AXDND1: variants seen among roughly 807,000 people sequenced by gnomAD.
The protein encoded by AXDND1 is axonemal dynein light chain domain-containing protein 1.
In AXDND1, 110 loss-of-function variants were observed where a neutral mutation model predicts 137.5. The ratio of observed to expected loss-of-function variants is 0.80; its 90% CI spans 0.69 to 0.94. The LOEUF (loss-of-function observed/expected upper bound fraction) is 0.94. AXDND1 is among the 40% of genes least tolerant of loss of function. The pLI, the probability that AXDND1 is intolerant of heterozygous loss-of-function variation, is 0.00. For synonymous variants in AXDND1, 414 were observed against 399.7 expected (o/e 1.04, Z -0.43); for missense variants, 1,191 against 1,169.8 (o/e 1.02, Z -0.26).
chr1:179,551,273 G>T, intron 25 of AXDND1: 2 of 1,614,140 alleles, frequency 1.2e-6, no homozygotes, highest in Non-Finnish European at 1.7e-6. Context: ...GCTGGGAGAA[G>T]ACAGGCAATT....
chr1:179,480,122 C>T (rs886242803), intron 17 of AXDND1, among the ~76,000 whole-genome samples: 1 of 152,206 alleles, frequency 6.6e-6, no homozygotes, highest in Non-Finnish European at 1.5e-5. Context: ...GTCGCTCCCA[C>T]ATTTTTGGGT....
intron 16 of AXDND1, among the ~76,000 whole-genome samples, chr1:179,459,033 T>C (rs1661827722): frequency 6.6e-6 from 1 of 152,112 alleles, no homozygotes; most frequent in Non-Finnish European, 1.5e-5. Flanking sequence ...GACAGTTTGG[T>C]GAGGAGACTG....
At chr1:179,400,690 T>A (rs1429938313) in intron 11 of AXDND1, among the ~76,000 whole-genome samples, 1 of 137,258 alleles carries the variant, frequency 7.3e-6, no homozygotes, top group Non-Finnish European at 1.6e-5. Flanking sequence ...GATCACGAGG[T>A]CAGGAGATCA....
At chr1:179,448,206 T>C in intron 16 of AXDND1, 1 of 853,602 alleles carries the variant, frequency 1.2e-6, no homozygotes, top group East Asian at 2.4e-5. Flanking sequence ...CTCAACAATA[T>C]CTGAGCTGGT....
intron 20 of AXDND1, among the ~76,000 whole-genome samples, chr1:179,508,338 A>G (rs77219588): frequency 1.0e-5 from 1 of 97,650 alleles, no homozygotes; most frequent in Non-Finnish European, 2.4e-5. Flanking sequence ...CCTGTCTCAA[A>G]AAAAAAAAAA....
chr1:179,485,409 G>A (rs12138189), intron 18 of AXDND1, among the ~76,000 whole-genome samples: 69,334 of 151,976 alleles, frequency 0.46, 16,693 homozygotes, highest in East Asian at 0.76. Flanking sequence ...AGAGCATGCA[G>A]TCCAGAAGGC....
intron 12 of AXDND1, among the ~76,000 whole-genome samples, chr1:179,426,968 C>A (rs1288064143): frequency 6.6e-6 from 1 of 151,980 alleles, no homozygotes; most frequent in Non-Finnish European, 1.5e-5. Flanking sequence ...TTGAGACCAG[C>A]CTGGCCAACG....
intron 24 of AXDND1, among the ~76,000 whole-genome samples, chr1:179,534,209 A>C (rs1172579336): frequency 2.0e-5 from 3 of 152,210 alleles, no homozygotes; most frequent in African/African-American, 7.2e-5. Context: ...TTGGGAAAGA[A>C]TGTTACATAA....
intron 4 of AXDND1, among the ~76,000 whole-genome samples, chr1:179,377,284 A>T (rs1408163575): frequency 6.6e-6 from 1 of 152,202 alleles, no homozygotes; most frequent in Non-Finnish European, 1.5e-5. Flanking sequence ...AATCAGTTCC[A>T]TGAGGGTAGG....
At chr1:179,543,917 G>T (rs569347142) in intron 25 of AXDND1, 1 of 152,564 alleles carries the variant, frequency 6.6e-6, no homozygotes, top group Non-Finnish European at 1.5e-5. Context: ...CAATATTCTA[G>T]CTGTTTTTGT....
At chr1:179,419,635 G>A (rs1459753639) in intron 12 of AXDND1, among the ~76,000 whole-genome samples, 16 of 91,338 alleles carry the variant, frequency 1.8e-4, no homozygotes, top group Non-Finnish European at 4.1e-4. Flanking sequence ...GGTGGGGAGA[G>A]GGAGAGGGAG....
intron 13 of AXDND1, among the ~76,000 whole-genome samples, chr1:179,430,190 C>T (rs1386913555): frequency 3.3e-5 from 5 of 151,944 alleles, no homozygotes; most frequent in African/African-American, 1.2e-4. Flanking sequence ...TAGCACACCA[C>T]ACTGCCCCTG....
chr1:179,374,894 G>A (rs1387557982), intron 4 of AXDND1, among the ~76,000 whole-genome samples: 4 of 150,898 alleles, frequency 2.7e-5, no homozygotes, highest in African/African-American at 9.8e-5. Flanking sequence ...TTAATGGGGG[G>A]TGCAGCACAC....
chr1:179,406,964 T>A (rs1317001565), intron 11 of AXDND1, among the ~76,000 whole-genome samples: 1 of 152,206 alleles, frequency 6.6e-6, no homozygotes, highest in Non-Finnish European at 1.5e-5. Flanking sequence ...TTATCATTGC[T>A]GTTTGGTGGT....
At position 179,537,310 on chromosome 1, in the gene AXDND1, C is replaced by T. The variant is rs144804950; in HGVS notation, c.3031+2348C>T. On this transcript the variant is annotated intron_variant, in intron 25 of 25. Coordinates refer to ENST00000367618, the MANE Select transcript of AXDND1 (RefSeq NM_144696.6). ...GCTGGGAATGCTTCCAGTTTTTGCC[C>T]ATCCAGTATGATATTGGCTGTGGGT... is the stretch of plus-strand genomic sequence containing the variant. Among the ~76,000 whole-genome samples, 5 of 152,244 alleles carry T rather than the reference C, an allele frequency of 3.3e-5. No homozygotes were observed. In the East Asian group the frequency reaches 7.7e-4, roughly 24 times the overall value.
chr1:179,393,268 G>A (rs1456794639), intron 9 of AXDND1, among the ~76,000 whole-genome samples: 3 of 152,150 alleles, frequency 2.0e-5, no homozygotes, highest in Admixed American at 6.5e-5. Flanking sequence ...TTGCAGATCA[G>A]TTGGCTGTAA....
chr1:179,517,790 G>A (rs1217089248), intron 21 of AXDND1, among the ~76,000 whole-genome samples: 1 of 152,244 alleles, frequency 6.6e-6, no homozygotes, highest in Non-Finnish European at 1.5e-5. Flanking sequence ...GGCACTCACA[G>A]TATTTGGGGT....
intron 25 of AXDND1, among the ~76,000 whole-genome samples, chr1:179,542,009 A>G (rs1672216575): frequency 6.6e-6 from 1 of 152,210 alleles, no homozygotes; most frequent in Non-Finnish European, 1.5e-5. Flanking sequence ...AAGACCAGAA[A>G]GAAATATGCC....
chr1:179,503,567 A>G (rs1005232308), intron 20 of AXDND1, among the ~76,000 whole-genome samples: 4 of 151,484 alleles, frequency 2.6e-5, no homozygotes, highest in Non-Finnish European at 4.4e-5. Context: ...TTTTATTGTT[A>G]TTATACTTTA....
Sources: allele counts gnomAD v4.1 joint callset (sites outside exome capture counted in the v4.1 genomes callset), GRCh38; gene constraint gnomAD v4.1.1; transcripts MANE v1.5; gene names NCBI Gene and HGNC (gene_info 2026-07-23, HGNC 2026-07-21).